RTEL1: variants seen among roughly 807,000 people sequenced by gnomAD.
RTEL1 encodes regulator of telomere length.
In RTEL1, 86 loss-of-function variants were observed where a neutral mutation model predicts 162.2. That is an observed-to-expected ratio of 0.53 (90% confidence interval 0.45 to 0.63). The LOEUF (loss-of-function observed/expected upper bound fraction) is 0.63, where lower values mean the gene tolerates loss of function less well. RTEL1 is among the 30% of genes least tolerant of loss of function. The pLI is 0.00. For missense variants in RTEL1, 1,941 were observed against 1,750.2 expected, an observed-to-expected ratio of 1.11 and a Z score of -1.95; for synonymous variants, 958 against 717.9, an observed-to-expected ratio of 1.33 and a Z score of -5.35.
At chr20:63,669,277 CTT>C (rs1273677675) in intron 8 of RTEL1, among the ~76,000 whole-genome samples, 2 of 152,186 alleles carry the variant, frequency 1.3e-5, no homozygotes, top group East Asian at 1.9e-4. Flanking sequence ...AATCTTAACT[CTT>C]GTTTTACCCT....
At chr20:63,678,989 C>G (rs150105632) in intron 12 of RTEL1, among the ~76,000 whole-genome samples, 1 of 152,196 alleles carries the variant, frequency 6.6e-6, no homozygotes, top group Admixed American at 6.5e-5. Context: ...TTCCCTGGAC[C>G]CTGGTCCAGT....
At position 63,688,582 on chromosome 20, in the gene RTEL1, A is replaced by G. The variant is rs988665241; in HGVS notation, c.1777A>G (p.Arg593Gly). Residue 593 changes from arginine (R) to glycine (G), a missense_variant, in exon 21 of 35, where the codon AGG (arginine) becomes GGG (glycine). By Grantham distance (125) the Arg-to-Gly change is moderately radical. Coordinates refer to ENST00000360203, the MANE Select transcript of RTEL1 (RefSeq NM_001283009.2). The part of the protein sequence containing the change: ...EALKPLFVEP[R>G]SKGSFSETIS... ...GCTGAAGCCGCTGTTTGTGGAGCCC[A>G]GGAGCAAAGGCAGCTTCTCCGAGGT... 2 of 1,609,994 alleles carry G rather than the reference A, an allele frequency of 1.2e-6. No homozygotes were observed. The highest frequency in any genetic ancestry group is 1.7e-6 in the Non-Finnish European group (2 of 1,179,354).
At chr20:63,685,380 A>G (rs528041384) in intron 14 of RTEL1, 143 bp from the exon 15 acceptor site, 25 of 818,430 alleles carry the variant, frequency 3.1e-5, no homozygotes, top group Non-Finnish European at 4.2e-5. Flanking sequence ...GCTCCTGTCC[A>G]TTGGCCTGGG....
intron 21 of RTEL1, 166 bp downstream of exon 21, chr20:63,688,771 C>G: frequency 1.5e-6 from 1 of 666,924 alleles, no homozygotes; most frequent in African/African-American, 1.8e-5. Context: ...TGCCTCTTAT[C>G]TTACAAAGCC....
intron 5 of RTEL1, 88 bp downstream of exon 5, chr20:63,662,715 C>G (rs2090045741): frequency 6.2e-7 from 1 of 1,600,674 alleles, no homozygotes; most frequent in South Asian, 1.1e-5. Context: ...TCCCGCTGGG[C>G]TAGGGTTTGA....
chr20:63,693,387 C>A, intron 30 of RTEL1, 104 bp downstream of exon 30: 5 of 1,423,022 alleles, frequency 3.5e-6, no homozygotes, highest in Non-Finnish European at 4.8e-6. Context: ...CTGCTTGGCC[C>A]CGCCTCTCTG....
At chr20:63,690,731 G>A in intron 26 of RTEL1, 74 bp from the exon 27 acceptor site, 1 of 1,486,840 alleles carries the variant, frequency 6.7e-7, no homozygotes, top group Non-Finnish European at 9.0e-7. Context: ...TCCCCCAAGA[G>A]GGGCTTTGCC....
chr20:63,680,087 G>A (rs1004675869), intron 13 of RTEL1, 141 bp downstream of exon 13: 3 of 626,222 alleles, frequency 4.8e-6, no homozygotes, highest in Non-Finnish European at 5.5e-6. Flanking sequence ...TCTTCTGATC[G>A]GGGCGTGGAG....
In RTEL1 at chr20:63,662,862, T is replaced by A. The variant is rs763230358; in HGVS notation, c.511T>A (p.Ser171Thr). ...GTGCCGTAAGAAGGTGGCAAGTCGC[T>A]CCTGTCATTTCTACAACAACGTAGA... ...HLCRKKVASR[S>T]CHFYNNVEEK... is the part of the protein sequence containing the mutation. The change falls in exon 6 of 35, where the codon TCC (serine) becomes ACC (threonine). Residue 171 changes from serine (S) to threonine (T), a missense_variant. Transcript: ENST00000360203. 2 of 1,613,976 alleles carry A rather than the reference T, an allele frequency of 1.2e-6. No homozygotes were observed. Among genetic ancestry groups the A allele is most frequent in the Non-Finnish European group, 1.7e-6 (2 of 1,180,030 alleles).
chr20:63,662,284 G>A, intron 4 of RTEL1: 1 of 675,296 alleles, frequency 1.5e-6, no homozygotes, highest in Non-Finnish European at 2.6e-6. Flanking sequence ...GCTTGTCAGA[G>A]CCCAGCAGAG....
chr20:63,690,019 T>C (rs1018754931), intron 24 of RTEL1, 68 bp from the exon 25 acceptor site: 1 of 1,581,068 alleles, frequency 6.3e-7, no homozygotes, highest in Non-Finnish European at 8.6e-7. Flanking sequence ...GATGAGGGTC[T>C]TCACTTCGGT....
At chr20:63,666,902 C>G (rs555922401) in intron 7 of RTEL1, among the ~76,000 whole-genome samples, 2 of 142,150 alleles carry the variant, frequency 1.4e-5, no homozygotes, top group Non-Finnish European at 3.0e-5. Flanking sequence ...TGCAGTGGTG[C>G]GATCTCGGCT....
intron 8 of RTEL1, among the ~76,000 whole-genome samples, chr20:63,671,875 GGTTTT>G (rs916206099): frequency 4.6e-5 from 7 of 152,048 alleles, no homozygotes; most frequent in South Asian, 2.1e-4. Flanking sequence ...CTGGGAGTTG[GGTTTT>G]GTTTTGTTTT....
At chr20:63,687,593 T>C in intron 16 of RTEL1, 45 bp from the exon 17 acceptor site, 2 of 1,557,526 alleles carry the variant, frequency 1.3e-6, no homozygotes, top group Non-Finnish European at 1.7e-6. Flanking sequence ...AGGCCCCCAG[T>C]CCCGTCCTCA....
chr20:63,687,894 C>T (rs1465960547), intron 17 of RTEL1, 43 bp from the exon 18 acceptor site: 1 of 1,603,910 alleles, frequency 6.2e-7, no homozygotes. Flanking sequence ...TAAAGGGGTG[C>T]TGGTGCACTT....
Position 63,659,505 on chromosome 20 carries a change from G to GTAGA in RTEL1, c.102+2_102+5dup, listed in dbSNP as rs1173991007. On this transcript the variant is annotated splice_donor_variant, in intron 2 of 34. Transcript: ENST00000360203. LOFTEE classifies it high-confidence loss of function. Reference sequence around the variant, plus strand: ...CAAGGTCCTGGAATGTCTGCAGCAGGTAGAGCACAGGCCCCGAGGAAAGGA... The same window carrying GTAGA: ...CAAGGTCCTGGAATGTCTGCAGCAGGTAGATAGAGCACAGGCCCCGAGGAAAGGA... 1.2e-6 allele frequency: 2 copies of GTAGA among 1,609,160 alleles called. No individual in the cohort carries two copies. Among genetic ancestry groups the GTAGA allele is most frequent in the Admixed American group, 3.3e-5 (2 of 59,992 alleles).
intron 10 of RTEL1, among the ~76,000 whole-genome samples, chr20:63,677,338 C>T (rs750781442): frequency 6.2e-4 from 94 of 152,314 alleles, no homozygotes; most frequent in Admixed American, 8.5e-4. Flanking sequence ...AACACCCGGC[C>T]AGGCATAAGG....
In RTEL1 at chr20:63,667,691, G is replaced by C. The variant is rs2090163990; in HGVS notation, c.699+138G>C. ...TGGGAGGACTCACCTCTGTCACTGGGCAGGGGCTCAACCTGGCCAGACACA... is the reference window on the plus strand; with the variant it reads ...TGGGAGGACTCACCTCTGTCACTGGCCAGGGGCTCAACCTGGCCAGACACA... On this transcript the variant is annotated intron_variant, in intron 8 of 34. Transcript: ENST00000360203. The C allele has an allele frequency of 4.1e-6, 3 of 722,970 alleles. No homozygotes were observed. In the African/African-American group the frequency reaches 5.2e-5, roughly 12 times the overall value. 44.8% of individuals were successfully genotyped at this position (722,970 alleles called of 1,614,324 possible).
At position 63,694,558 on chromosome 20, in the gene RTEL1, CTT is replaced by C. The variant is rs1349237838; in HGVS notation, c.3109+71_3109+72del. On this transcript the variant is annotated intron_variant, in intron 31 of 34. Coordinates refer to ENST00000360203, the MANE Select transcript of RTEL1 (RefSeq NM_001283009.2). ...CCTCAGTGGCTTCACGAGGCTAACTCTTGAGTGTGGCCGGGGCTGCCCCTGTG... is the reference window on the plus strand; with the variant it reads ...CCTCAGTGGCTTCACGAGGCTAACTCGAGTGTGGCCGGGGCTGCCCCTGTG... The C allele has an allele frequency of 8.0e-6, 11 of 1,369,630 alleles. No homozygotes were observed. The African/African-American group carries it at 8.6e-5, about 11-fold the overall frequency. The allele number at this position is 1,369,630 out of a possible 1,614,324, so 84.8% of individuals were successfully genotyped here. A position where few individuals can be genotyped will look rare whatever the true frequency, so the allele number is the denominator to read the frequency against.
Sources: gnomAD v4.1 joint callset for allele counts (sites outside exome capture counted in the v4.1 genomes callset) on GRCh38, gnomAD v4.1.1 for gene constraint, MANE v1.5 for transcripts, NCBI Gene and HGNC (gene_info 2026-07-23, HGNC 2026-07-21) for gene names.